The following UHRF2 variants were observed in gnomAD, a reference collection of about 807,000 sequenced individuals.
UHRF2 encodes the protein ubiquitin like with PHD and ring finger domains 2.
A neutral mutation model predicts 96.8 loss-of-function variants in UHRF2; 23 were observed. The ratio of observed to expected loss-of-function variants is 0.24; its 90% CI spans 0.17 to 0.34. UHRF2 has a LOEUF of 0.34. Among genes scored for constraint, UHRF2 ranks in the 10% least tolerant of loss-of-function variants. The pLI is 1.00. For synonymous variants in UHRF2, 385 were observed against 332.6 expected (o/e 1.16, Z -1.72); for missense variants, 685 against 981.5 (o/e 0.70, Z 4.04).
chr9:6,502,497 A>G (rs953808679), intron 14 of UHRF2, among the ~76,000 whole-genome samples: 1 of 152,230 alleles, frequency 6.6e-6, no homozygotes, highest in Non-Finnish European at 1.5e-5. Context: ...TATGTTGCCC[A>G]GACTGATCTC....
At chr9:6,502,426 C>A (rs1309697560) in intron 14 of UHRF2, among the ~76,000 whole-genome samples, 1 of 152,180 alleles carries the variant, frequency 6.6e-6, no homozygotes, top group African/African-American at 2.4e-5. Context: ...TCCCAAACTA[C>A]CCTTTCTAAA....
chr9:6,501,990 A>C (rs1033907785), intron 14 of UHRF2, among the ~76,000 whole-genome samples: 2 of 152,168 alleles, frequency 1.3e-5, no homozygotes, highest in Non-Finnish European at 2.9e-5. Context: ...TGACCTTCCT[A>C]GGTCATATTA....
chr9:6,420,632 G>C (rs574296734), intron 1 of UHRF2, among the ~76,000 whole-genome samples: 1 of 151,494 alleles, frequency 6.6e-6, no homozygotes, highest in Admixed American at 6.6e-5. Flanking sequence ...GTGTGAACCC[G>C]GGAGGAGGCG....
intron 1 of UHRF2, chr9:6,413,992 G>A: frequency 5.3e-6 from 1 of 187,144 alleles, no homozygotes; most frequent in Non-Finnish European, 1.1e-5. Flanking sequence ...CCAGAGGGCG[G>A]GGAGGGCAGA....
chr9:6,488,153 G>C (rs1824421126), intron 9 of UHRF2, among the ~76,000 whole-genome samples: 1 of 150,972 alleles, frequency 6.6e-6, no homozygotes, highest in African/African-American at 2.4e-5. Flanking sequence ...TGAGGCAGGA[G>C]GATTGCTTGA....
At chr9:6,460,472 C>G (rs1822470245) in intron 3 of UHRF2, 101 bp from the exon 4 acceptor site, 1 of 989,104 alleles carries the variant, frequency 1.0e-6, no homozygotes, top group Non-Finnish European at 1.5e-6. Context: ...TTTACTCTTT[C>G]TCTTAGATGA....
At chr9:6,496,355 T>C (rs1824966971) in intron 10 of UHRF2, 1 of 152,216 alleles carries the variant, frequency 6.6e-6, no homozygotes, top group African/African-American at 2.4e-5. Context: ...AAATTGTTAT[T>C]TTAAAATAGT....
At position 6,506,201 on chromosome 9, in the gene UHRF2, G is replaced by A; in HGVS notation, c.*22G>A. 1 of 1,611,788 alleles carries A rather than the reference G, an allele frequency of 6.2e-7. No individual in the cohort carries two copies. The highest frequency in any genetic ancestry group is 8.5e-7 in the Non-Finnish European group (1 of 1,178,710). ...ATGATCTGCCTGCTTTCACTGTGTT[G>A]TTCATGGTGGCTTTTTGGACAATAA... On this transcript the variant is annotated 3_prime_UTR_variant, in exon 16 of 16. Transcript: ENST00000276893.
At chr9:6,484,392 T>TCTCCTC (rs1196787369) in intron 8 of UHRF2, among the ~76,000 whole-genome samples, 2 of 149,442 alleles carry the variant, frequency 1.3e-5, no homozygotes, top group Non-Finnish European at 3.0e-5. Flanking sequence ...GGCAGCAGCT[T>TCTCCTC]CTCCTCCTCC....
chr9:6,462,519 T>C (rs956744704), intron 4 of UHRF2, among the ~76,000 whole-genome samples: 2 of 152,200 alleles, frequency 1.3e-5, no homozygotes, highest in Non-Finnish European at 2.9e-5. Flanking sequence ...ATAAACTGGC[T>C]ATGTTAGGAG....
At chr9:6,462,327 A>T (rs917933597) in intron 4 of UHRF2, among the ~76,000 whole-genome samples, 1 of 151,256 alleles carries the variant, frequency 6.6e-6, no homozygotes, top group Non-Finnish European at 1.5e-5. Context: ...TGAGATTTAA[A>T]AAAAAAAAAA....
At chr9:6,417,770 C>G (rs1819692337) in intron 1 of UHRF2, among the ~76,000 whole-genome samples, 1 of 152,142 alleles carries the variant, frequency 6.6e-6, no homozygotes, top group South Asian at 2.1e-4. Context: ...TATGCTTAGA[C>G]ATGGTGCTCT....
intron 3 of UHRF2, among the ~76,000 whole-genome samples, chr9:6,446,425 G>C (rs1381164927): frequency 3.3e-5 from 5 of 150,492 alleles, no homozygotes; most frequent in Non-Finnish European, 2.9e-5. Flanking sequence ...TTACAGGCGT[G>C]AGCCACCATG....
chr9:6,424,116 A>G (rs10815434), intron 2 of UHRF2, among the ~76,000 whole-genome samples: 55 of 80,146 alleles, frequency 6.9e-4, no homozygotes, highest in Admixed American at 2.8e-3. Context: ...TAATGCAATT[A>G]GGCAGGAGAA....
At chr9:6,475,297 A>G in intron 4 of UHRF2, 94 bp from the exon 5 acceptor site, 1 of 638,728 alleles carries the variant, frequency 1.6e-6, no homozygotes, top group South Asian at 3.7e-5. Context: ...AAATAGACAG[A>G]TTTCAGTGAG....
chr9:6,462,916 A>G (rs1041208592), intron 4 of UHRF2, among the ~76,000 whole-genome samples: 8 of 149,112 alleles, frequency 5.4e-5, no homozygotes, highest in African/African-American at 1.5e-4. Context: ...GACTCTGTCT[A>G]AAAAAAAAGT....
chr9:6,492,101 G>A (rs775443766), intron 9 of UHRF2, among the ~76,000 whole-genome samples: 13 of 152,092 alleles, frequency 8.5e-5, no homozygotes, highest in South Asian at 2.1e-4. Flanking sequence ...TTTTTCCCTC[G>A]TGATAATATA....
chr9:6,465,606 G>A (rs946616600), intron 4 of UHRF2, among the ~76,000 whole-genome samples: 7 of 152,208 alleles, frequency 4.6e-5, no homozygotes, highest in African/African-American at 1.4e-4. Flanking sequence ...TCTTTTTAAT[G>A]TGTTAATCTG....
chr9:6,505,997 C>G, intron 15 of UHRF2, 36 bp from the exon 16 acceptor site: 5 of 1,611,858 alleles, frequency 3.1e-6, no homozygotes, highest in Non-Finnish European at 4.2e-6. Context: ...ATGCTTTATG[C>G]TCAGATTAAA....
Sources: allele counts gnomAD v4.1 joint callset (sites outside exome capture counted in the v4.1 genomes callset), GRCh38; gene constraint gnomAD v4.1.1; transcripts MANE v1.5; gene names NCBI Gene and HGNC (gene_info 2026-07-23, HGNC 2026-07-21).